XKR3: variants seen among roughly 807,000 people sequenced by gnomAD.
XKR3 encodes XK-related protein 3.
A neutral mutation model predicts 40.3 loss-of-function variants in XKR3; 27 were observed. That is an observed-to-expected ratio of 0.67 (90% CI 0.49 to 0.92). XKR3 has a LOEUF of 0.92. Ranked by LOEUF, XKR3 falls within the 40% of genes least tolerant of loss-of-function variation. XKR3 has a pLI of 0.00. For missense variants in XKR3, 472 were observed against 537.6 expected (o/e 0.88, Z 1.21); for synonymous variants, 193 against 195.4 (o/e 0.99, Z 0.10).
rs1193402609 is a variant in XKR3 at position 16,783,829 on chromosome 22, A to G, written c.1170T>C (p.Thr390=). The change falls in exon 4 of 4, where the codon ACT becomes ACC. Residue 390 remains threonine (T), a synonymous_variant. Transcript: ENST00000684488. ...VQLIISYLLA[T]GFMLLFYQYL... ...ACTGATAGAAGAGGAGCATAAAGCC[A>G]GTGGCCAATAGGTAGCTTATGATGA... The G allele has an allele frequency of 1.2e-6, 2 of 1,614,230 alleles. No homozygotes were observed. The highest frequency in any genetic ancestry group is 4.5e-5 in the East Asian group (2 of 44,888).
At chr22:16,794,226 G>T (rs2060131789) in intron 3 of XKR3, among the ~76,000 whole-genome samples, 2 of 152,072 alleles carry the variant, frequency 1.3e-5, no homozygotes. Flanking sequence ...TATGTAAGAT[G>T]ACCATTCCCA....
intron 3 of XKR3, among the ~76,000 whole-genome samples, chr22:16,791,704 CA>C (rs2060116624): frequency 1.6e-5 from 2 of 123,936 alleles, no homozygotes; most frequent in African/African-American, 3.2e-5. Context: ...AGAAAGGAGG[CA>C]GGGGGGAGAG....
intron 3 of XKR3, among the ~76,000 whole-genome samples, chr22:16,791,922 T>TG (rs1277015535): frequency 7.5e-6 from 1 of 134,104 alleles, no homozygotes; most frequent in Non-Finnish European, 1.6e-5. Context: ...TGTTTTTTTT[T>TG]TTTGTTTGTT....
intron 3 of XKR3, among the ~76,000 whole-genome samples, chr22:16,799,181 A>G (rs529196139): frequency 6.6e-5 from 10 of 151,872 alleles, no homozygotes; most frequent in Non-Finnish European, 1.2e-4. Context: ...TGGGAGGCCA[A>G]GGCAGGTGGA....
intron 1 of XKR3, among the ~76,000 whole-genome samples, chr22:16,819,563 A>G (rs1049939780): frequency 5.9e-5 from 9 of 152,220 alleles, no homozygotes; most frequent in African/African-American, 2.2e-4. Context: ...CCATAGGTTA[A>G]GGAAAAATAG....
intron 3 of XKR3, among the ~76,000 whole-genome samples, chr22:16,788,177 T>C (rs2060098941): frequency 6.6e-6 from 1 of 152,090 alleles, no homozygotes; most frequent in Admixed American, 6.6e-5. Flanking sequence ...AAAATTAAAT[T>C]ACATACTCCT....
chr22:16,790,342 G>GAA (rs35876120), intron 3 of XKR3, among the ~76,000 whole-genome samples: 3 of 124,534 alleles, frequency 2.4e-5, no homozygotes, highest in African/African-American at 6.1e-5. Flanking sequence ...CTTCCACGCA[G>GAA]AAAAAAAAAA....
At chr22:16,812,338 T>C (rs1419160828) in intron 1 of XKR3, among the ~76,000 whole-genome samples, 5 of 152,148 alleles carry the variant, frequency 3.3e-5, no homozygotes, top group Admixed American at 6.5e-5. Flanking sequence ...TTTAAACACT[T>C]TTTGGATTGA....
chr22:16,808,712 T>TG lies in XKR3; in HGVS notation c.-10-630dup, dbSNP rs536231944. ...ATAGTAGGTTTAAACTCTCTTTTGTTGGGGGGAAAAACAGCTCATTTTAGG... is the reference window on the plus strand; with the variant it reads ...ATAGTAGGTTTAAACTCTCTTTTGTTGGGGGGGAAAAACAGCTCATTTTAGG... On this transcript the variant is annotated intron_variant, in intron 1 of 3. Coordinates refer to ENST00000684488, the MANE Select transcript of XKR3 (RefSeq NM_001386955.1). 2.4e-3 allele frequency among the ~76,000 whole-genome samples: 369 copies of TG among 152,248 alleles called. 4 individuals carry two copies. The highest frequency in any genetic ancestry group is 8.6e-3 in the African/African-American group (356 of 41,560).
chr22:16,798,375 A>G (rs1014753453), intron 3 of XKR3, among the ~76,000 whole-genome samples: 1 of 152,180 alleles, frequency 6.6e-6, no homozygotes, highest in Non-Finnish European at 1.5e-5. Flanking sequence ...TGCTGATAGA[A>G]GTATAAGTTA....
intron 1 of XKR3, among the ~76,000 whole-genome samples, chr22:16,811,384 A>G (rs1345618450): frequency 6.6e-6 from 1 of 152,014 alleles, no homozygotes; most frequent in Admixed American, 6.6e-5. Context: ...CCTTGGCCCC[A>G]CCAAAGTGTT....
In XKR3 at chr22:16,806,881, C is replaced by T. The variant is rs570066875; in HGVS notation, c.335+858G>A. Among the ~76,000 whole-genome samples the T allele has an allele frequency of 8.5e-5, 13 of 152,116 alleles. No homozygotes were observed. The East Asian group carries it at 2.5e-3, about 29-fold the overall frequency. ...TATAAAAACTTCAATAAAGAAAACA[C>T]ACCAAAAAAAACCACTTAAGATACA... On this transcript the variant is annotated intron_variant, in intron 2 of 3. Transcript: ENST00000684488.
At chr22:16,811,818 C>T (rs2060214064) in intron 1 of XKR3, among the ~76,000 whole-genome samples, 3 of 152,020 alleles carry the variant, frequency 2.0e-5, no homozygotes, top group Non-Finnish European at 1.5e-5. Flanking sequence ...ACCATCCTGG[C>T]TAACATGGTG....
chr22:16,805,236 T>C (rs1328430311), intron 2 of XKR3, among the ~76,000 whole-genome samples: 1 of 152,188 alleles, frequency 6.6e-6, no homozygotes, highest in Non-Finnish European at 1.5e-5. Context: ...CTCAGCATAG[T>C]TTCAGTACAC....
chr22:16,807,293 C>A (rs1284963101), intron 2 of XKR3, among the ~76,000 whole-genome samples: 1 of 152,114 alleles, frequency 6.6e-6, no homozygotes, highest in Non-Finnish European at 1.5e-5. Flanking sequence ...CTACAAATTC[C>A]AGGATGTCTG....
chr22:16,820,794 T>A (rs528442268), intron 1 of XKR3, among the ~76,000 whole-genome samples: 4 of 152,296 alleles, frequency 2.6e-5, no homozygotes, highest in Middle Eastern at 3.4e-3. Flanking sequence ...ATTCATTTTT[T>A]AAAAAAGATT....
At position 16,807,983 on chromosome 22, in the gene XKR3, G is replaced by A; in HGVS notation, c.91C>T (p.Leu31=). 6.2e-7 allele frequency: 1 copy of A among 1,613,954 alleles called. No homozygotes were observed. The highest frequency in any genetic ancestry group is 8.5e-7 in the Non-Finnish European group (1 of 1,179,892). ...AAGATAATGCTAAAAGGAAAGCTTA[G>A]ATGGAGTCTCTGGCCAAGGACTATT... ...EEIVLGQRLH[L]SFPFSIIFST... is the part of the protein sequence containing the mutation. The change falls in exon 2 of 4, where the codon CTA becomes TTA. Residue 31 remains leucine (L), a synonymous_variant. Transcript: ENST00000684488.
chr22:16,810,249 T>C (rs1354901951), intron 1 of XKR3, among the ~76,000 whole-genome samples: 1 of 151,628 alleles, frequency 6.6e-6, no homozygotes, highest in Non-Finnish European at 1.5e-5. Flanking sequence ...TAATAGGCAA[T>C]TTGAACTCAA....
chr22:16,825,206 T>C (rs2060268652), intron 1 of XKR3, among the ~76,000 whole-genome samples, 85 bp downstream of exon 1: 1 of 152,206 alleles, frequency 6.6e-6, no homozygotes, highest in Non-Finnish European at 1.5e-5. Context: ...CAGAGATTTA[T>C]GTTAAGATCC....
Sources: gnomAD v4.1 joint callset for allele counts (sites outside exome capture counted in the v4.1 genomes callset) on GRCh38, gnomAD v4.1.1 for gene constraint, MANE v1.5 for transcripts, NCBI Gene and HGNC (gene_info 2026-07-23, HGNC 2026-07-21) for gene names.